The following COBL variants were observed in gnomAD, a reference collection of about 807,000 sequenced individuals.
COBL encodes cordon-bleu WH2 repeat protein, also known as protein cordon-bleu.
COBL carries 51 observed loss-of-function variants against 98.8 expected under a neutral mutation model. That is an observed-to-expected ratio of 0.52 (90% CI 0.41 to 0.65). The LOEUF is 0.65. Among genes scored for constraint, COBL ranks in the 30% least tolerant of loss-of-function variants. COBL has a pLI of 0.00. For synonymous variants in COBL, 634 were observed against 651.7 expected, an observed-to-expected ratio of 0.97 and a Z score of 0.41; for missense variants, 1,617 against 1,617.5, an observed-to-expected ratio of 1.00 and a Z score of 0.01.
intron 1 of COBL, among the ~76,000 whole-genome samples, chr7:51,227,136 C>A (rs994717716): frequency 6.6e-6 from 1 of 152,108 alleles, no homozygotes; most frequent in Non-Finnish European, 1.5e-5. Flanking sequence ...GGCTGATGAG[C>A]GGTGAGGTTA....
At chr7:51,282,315 A>G (rs1799884773) in intron 1 of COBL, among the ~76,000 whole-genome samples, 1 of 152,092 alleles carries the variant, frequency 6.6e-6, no homozygotes, top group Admixed American at 6.5e-5. Context: ...ATTTAACTAC[A>G]TGCTATCTTC....
At chr7:51,057,575 G>T (rs546859393) in intron 7 of COBL, among the ~76,000 whole-genome samples, 16 of 152,100 alleles carry the variant, frequency 1.1e-4, no homozygotes, top group Non-Finnish European at 1.9e-4. Flanking sequence ...ATCAGCATCA[G>T]GGCCCATCAT....
chr7:51,171,438 A>C (rs1214161434), intron 5 of COBL, among the ~76,000 whole-genome samples: 1 of 152,182 alleles, frequency 6.6e-6, no homozygotes, highest in Admixed American at 6.5e-5. Context: ...TATACTATCT[A>C]TGTAAAGTGT....
intron 7 of COBL, among the ~76,000 whole-genome samples, chr7:51,051,935 T>C (rs1042494192): frequency 2.0e-5 from 3 of 152,242 alleles, no homozygotes; most frequent in African/African-American, 7.2e-5. Flanking sequence ...TTTAAGCCAA[T>C]AGTTAAACAG....
intron 5 of COBL, among the ~76,000 whole-genome samples, chr7:51,143,642 C>A (rs1784764019): frequency 6.6e-6 from 1 of 152,070 alleles, no homozygotes; most frequent in Non-Finnish European, 1.5e-5. Context: ...CTACAGGACA[C>A]AGAAACAAAA....
At chr7:51,157,556 C>T (rs1023270597) in intron 5 of COBL, among the ~76,000 whole-genome samples, 1 of 152,094 alleles carries the variant, frequency 6.6e-6, no homozygotes, top group Non-Finnish European at 1.5e-5. Flanking sequence ...GTTGGAGAGG[C>T]GAGTGTCTAT....
intron 1 of COBL, among the ~76,000 whole-genome samples, chr7:51,314,941 GT>G (rs1337937864): frequency 2.0e-5 from 3 of 152,186 alleles, no homozygotes; most frequent in Non-Finnish European, 4.4e-5. Context: ...CGCTCTTAGG[GT>G]AAGTCCTTTC....
intron 1 of COBL, among the ~76,000 whole-genome samples, chr7:51,314,474 C>G (rs923349392): frequency 2.0e-5 from 3 of 152,222 alleles, no homozygotes; most frequent in Non-Finnish European, 4.4e-5. Flanking sequence ...ACTAAAGCCA[C>G]AAATTTCACA....
intron 6 of COBL, among the ~76,000 whole-genome samples, chr7:51,103,309 G>A (rs1042029946): frequency 6.6e-6 from 1 of 152,198 alleles, no homozygotes; most frequent in Non-Finnish European, 1.5e-5. Context: ...GAGAAAGAGA[G>A]AGAATTGGTT....
rs143066869 is a variant in COBL, at chr7:51,191,060, C to T, written c.475G>A (p.Val159Met). 5.6e-6 allele frequency: 9 copies of T among 1,613,878 alleles called. No homozygotes were observed. The highest frequency in any genetic ancestry group is 1.3e-5 in the African/African-American group (1 of 74,918). ...GCTTTTTGTGTCCGCAGGTAATTCA[C>T]GACCAAACGCACAGATTTCTGGAAG... Reference protein sequence around the residue: ...KVPEKSVRLVVNYLRTQKAVV... With the variant: ...KVPEKSVRLVMNYLRTQKAVV... Residue 159 changes from valine (V) to methionine (M), a missense_variant, in exon 4 of 13, where the codon GTG (valine) becomes ATG (methionine). By Grantham distance (21) the Val-to-Met change is conservative. Around this residue, in one of 3 missense-constraint regions of COBL, gnomAD observed 238 missense variants for 215.0 expected, o/e 1.11. Transcript: ENST00000265136.
intron 6 of COBL, among the ~76,000 whole-genome samples, chr7:51,117,014 A>G (rs1797326447): frequency 1.3e-5 from 2 of 152,060 alleles, no homozygotes; most frequent in South Asian, 4.1e-4. Flanking sequence ...CACATGTGCC[A>G]TGTTGGTGTG....
At chr7:51,192,484 T>C (rs1397431126) in intron 3 of COBL, among the ~76,000 whole-genome samples, 1 of 152,064 alleles carries the variant, frequency 6.6e-6, no homozygotes, top group Non-Finnish European at 1.5e-5. Flanking sequence ...CATGCACCTG[T>C]AGTCCCAGCT....
chr7:51,101,819 T>C (rs542922168), intron 6 of COBL, among the ~76,000 whole-genome samples: 1 of 152,312 alleles, frequency 6.6e-6, no homozygotes, highest in African/African-American at 2.4e-5. Flanking sequence ...AGCTAGCCCT[T>C]TTCCTTCCCG....
intron 7 of COBL, among the ~76,000 whole-genome samples, chr7:51,066,488 A>C (rs980621167): frequency 5.9e-5 from 9 of 152,166 alleles, no homozygotes; most frequent in Non-Finnish European, 1.0e-4. Flanking sequence ...CCAGACTGGC[A>C]AGGTTCAAGT....
At chr7:51,020,674 C>T (rs1786841644) in intron 12 of COBL, among the ~76,000 whole-genome samples, 1 of 152,174 alleles carries the variant, frequency 6.6e-6, no homozygotes, top group African/African-American at 2.4e-5. Flanking sequence ...GGGGGCAGAT[C>T]TGAACACTGC....
rs1195988397 is a variant in COBL, at chr7:51,061,956, C to CACACACACACAT, written c.1097-18265_1097-18264insATGTGTGTGTGT. Among the ~76,000 whole-genome samples, 54 of 42,904 alleles carry CACACACACACAT rather than the reference C, an allele frequency of 1.3e-3. 1 individual carries two copies. Among genetic ancestry groups the CACACACACACAT allele is most frequent in the African/African-American group, 2.0e-3 (52 of 26,210 alleles). The allele number at this position is 42,904 out of a possible 152,430, so 28.1% of individuals were successfully genotyped here. A position where few individuals can be genotyped will look rare whatever the true frequency, so the allele number is the denominator to read the frequency against. On this transcript the variant is annotated intron_variant, in intron 7 of 12. Transcript: ENST00000265136. ...AATCTCTCCCCACCATAGATACACA[C>CACACACACACAT]ACACACACACACACACACACACACA...
chr7:51,097,246 C>A (rs1795348560), intron 6 of COBL, among the ~76,000 whole-genome samples: 1 of 152,052 alleles, frequency 6.6e-6, no homozygotes, highest in Non-Finnish European at 1.5e-5. Context: ...AAACTCAACA[C>A]CCTTTTATGA....
intron 2 of COBL, among the ~76,000 whole-genome samples, chr7:51,218,744 G>T (rs1054817646): frequency 6.6e-6 from 1 of 152,134 alleles, no homozygotes; most frequent in Non-Finnish European, 1.5e-5. Context: ...CCAAAGTGAT[G>T]GGACTACAGG....
intron 2 of COBL, among the ~76,000 whole-genome samples, chr7:51,199,329 C>G (rs1009308634): frequency 1.3e-5 from 2 of 152,148 alleles, no homozygotes; most frequent in Non-Finnish European, 2.9e-5. Flanking sequence ...AGGAGTAGAT[C>G]CTTACTTGCC....
Sources: allele counts gnomAD v4.1 joint callset (sites outside exome capture counted in the v4.1 genomes callset), GRCh38; gene constraint gnomAD v4.1.1; regional missense constraint gnomAD v4.1.1; transcripts MANE v1.5; gene names NCBI Gene and HGNC (gene_info 2026-07-23, HGNC 2026-07-21).